KAZN: variants seen among roughly 807,000 people sequenced by gnomAD.
KAZN encodes kazrin, periplakin interacting protein, also known as kazrin.
Under a neutral mutation model 87.4 loss-of-function variants are expected in KAZN, and 40 were observed. That is an observed-to-expected ratio of 0.46 (90% CI 0.36 to 0.60). KAZN has a LOEUF of 0.60. KAZN is among the 20% of genes least tolerant of loss of function. The pLI is 0.00. For missense variants in KAZN, 898 were observed against 1,073.9 expected, an observed-to-expected ratio of 0.84 and a Z score of 2.29; for synonymous variants, 466 against 458.3, an observed-to-expected ratio of 1.02 and a Z score of -0.22.
chr1:14,092,100 T>C (rs1414015267), intron 1 of KAZN, among the ~76,000 whole-genome samples: 2 of 148,408 alleles, frequency 1.3e-5, no homozygotes, highest in Non-Finnish European at 3.0e-5. Context: ...TTCTTTTTTT[T>C]TTTTTTTTTT....
At chr1:13,969,731 C>T (rs1642071621) in intron 1 of KAZN, among the ~76,000 whole-genome samples, 1 of 152,092 alleles carries the variant, frequency 6.6e-6, no homozygotes, top group Non-Finnish European at 1.5e-5. Flanking sequence ...GGCTGAGGTT[C>T]CATGTGACAC....
At chr1:14,107,113 C>T (rs1644394630) in intron 1 of KAZN, among the ~76,000 whole-genome samples, 1 of 148,926 alleles carries the variant, frequency 6.7e-6, no homozygotes, top group Admixed American at 6.7e-5. Flanking sequence ...TTCTCAATAC[C>T]TATTCAGGGA....
chr1:14,728,147 A>G (rs1373043942), intron 1 of KAZN, among the ~76,000 whole-genome samples: 1 of 151,658 alleles, frequency 6.6e-6, no homozygotes, highest in Non-Finnish European at 1.5e-5. Flanking sequence ...TTAGCCGGGT[A>G]TGGTTGCGTG....
At chr1:14,511,210 G>T (rs16850413) in intron 2 of KAZN, among the ~76,000 whole-genome samples, 15,716 of 152,102 alleles carry the variant, frequency 0.1, 1,495 homozygotes, top group African/African-American at 0.25. Context: ...GACTCTAGAT[G>T]TTTCCATTTG....
chr1:14,800,611 G>A (rs1557503049), intron 1 of KAZN, among the ~76,000 whole-genome samples: 2 of 152,190 alleles, frequency 1.3e-5, no homozygotes, highest in East Asian at 3.9e-4. Context: ...GGCTAAGGTG[G>A]GAGGATCGCT....
intron 2 of KAZN, among the ~76,000 whole-genome samples, chr1:14,201,497 C>G (rs1482278572): frequency 1.3e-5 from 2 of 152,218 alleles, no homozygotes; most frequent in African/African-American, 4.8e-5. Flanking sequence ...GTCAAACCAC[C>G]TACCCCCACT....
chr1:14,685,226 T>C (rs1640884177), intron 1 of KAZN, among the ~76,000 whole-genome samples: 2 of 152,154 alleles, frequency 1.3e-5, no homozygotes, highest in South Asian at 4.1e-4. Flanking sequence ...TGGAGCTTAA[T>C]CCTGCCGGAG....
At position 15,060,085 on chromosome 1, in the gene KAZN, G is replaced by A. The variant is rs146958410; in HGVS notation, c.917-87G>A. ...ACCTCAGTGTTCCCATCTGTAGAACGGGGGTGTTGGGTGGAATAACCGCCA... is the reference window on the plus strand; with the variant it reads ...ACCTCAGTGTTCCCATCTGTAGAACAGGGGTGTTGGGTGGAATAACCGCCA... On this transcript the variant is annotated intron_variant, in intron 5 of 14. Coordinates refer to ENST00000376030, the MANE Select transcript of KAZN (RefSeq NM_201628.3). 258 of 1,534,226 alleles carry A rather than the reference G, an allele frequency of 1.7e-4. No individual in the cohort carries two copies. In the African/African-American group the frequency reaches 2.6e-3, roughly 15 times the overall value.
At chr1:15,032,339 C>T (rs1462931744) in intron 2 of KAZN, among the ~76,000 whole-genome samples, 4 of 151,616 alleles carry the variant, frequency 2.6e-5, no homozygotes, top group African/African-American at 7.3e-5. Flanking sequence ...ACTACAGGCA[C>T]CTGCCACTAC....
At chr1:14,189,429 A>C (rs1160940619) in intron 2 of KAZN, among the ~76,000 whole-genome samples, 1 of 152,184 alleles carries the variant, frequency 6.6e-6, no homozygotes, top group Non-Finnish European at 1.5e-5. Context: ...AAACCATCCC[A>C]AAACAGTGGC....
At chr1:14,045,877 C>T (rs1158103592) in intron 1 of KAZN, among the ~76,000 whole-genome samples, 1 of 152,174 alleles carries the variant, frequency 6.6e-6, no homozygotes, top group Non-Finnish European at 1.5e-5. Context: ...ACCACTACAG[C>T]TACTAAGAGT....
At chr1:14,331,013 T>C (rs1201445944) in intron 2 of KAZN, among the ~76,000 whole-genome samples, 1 of 152,238 alleles carries the variant, frequency 6.6e-6, no homozygotes, top group Non-Finnish European at 1.5e-5. Context: ...TAGCTGGGTC[T>C]GTGGCTTCCT....
intron 1 of KAZN, among the ~76,000 whole-genome samples, chr1:14,958,212 G>A (rs191283928): frequency 1.2e-3 from 190 of 152,340 alleles, no homozygotes; most frequent in Non-Finnish European, 2.2e-3. Context: ...GGCACTGATG[G>A]CGAGGGTAGG....
At chr1:13,951,462 C>T (rs914377753) in intron 1 of KAZN, among the ~76,000 whole-genome samples, 2 of 152,102 alleles carry the variant, frequency 1.3e-5, no homozygotes, top group Non-Finnish European at 2.9e-5. Flanking sequence ...CAAAGTATGC[C>T]TGTCATCCCA....
chr1:14,837,071 G>C (rs1306466174), intron 1 of KAZN, among the ~76,000 whole-genome samples: 1 of 152,074 alleles, frequency 6.6e-6, no homozygotes, highest in Non-Finnish European at 1.5e-5. Flanking sequence ...AAGTTTTGCT[G>C]TGTGTTTATA....
chr1:14,427,566 G>T (rs1281350153), intron 2 of KAZN, among the ~76,000 whole-genome samples: 2 of 151,226 alleles, frequency 1.3e-5, no homozygotes, highest in East Asian at 2.0e-4. Context: ...CTAAATTAAA[G>T]GTACATATGT....
At chr1:14,603,474 A>G (rs1345991380) in intron 1 of KAZN, among the ~76,000 whole-genome samples, 1 of 152,250 alleles carries the variant, frequency 6.6e-6, no homozygotes, top group Non-Finnish European at 1.5e-5. Flanking sequence ...ACAGATCAGT[A>G]CAGTGTGGTT....
intron 1 of KAZN, among the ~76,000 whole-genome samples, chr1:13,964,304 G>A (rs938637954): frequency 6.6e-6 from 1 of 152,188 alleles, no homozygotes; most frequent in Non-Finnish European, 1.5e-5. Flanking sequence ...GGTAATAAGT[G>A]CTGTGGACAA....
At chr1:14,920,276 G>GTT (rs55641056) in intron 1 of KAZN, among the ~76,000 whole-genome samples, 2,711 of 94,120 alleles carry the variant, frequency 0.029, 178 homozygotes, top group African/African-American at 0.079. Context: ...CCTCTTTTCT[G>GTT]TTTTTTTTTT....
Sources: gnomAD v4.1 joint callset for allele counts (sites outside exome capture counted in the v4.1 genomes callset) on GRCh38, gnomAD v4.1.1 for gene constraint, MANE v1.5 for transcripts, NCBI Gene and HGNC (gene_info 2026-07-23, HGNC 2026-07-21) for gene names.